Variants in ANKRD45 observed in about 807,000 individuals in gnomAD.
ANKRD45 encodes the protein ankyrin repeat domain-containing protein 45.
In ANKRD45, 21 loss-of-function variants were observed where a neutral mutation model predicts 28.1. That is an observed-to-expected ratio of 0.75 (90% CI 0.53 to 1.08). The LOEUF (loss-of-function observed/expected upper bound fraction) is 1.08, where lower values mean the gene tolerates loss of function less well. Ranked by LOEUF, ANKRD45 falls within the 50% of genes least tolerant of loss-of-function variation. The pLI, the probability that ANKRD45 is intolerant of heterozygous loss-of-function variation, is 0.00. For missense variants in ANKRD45, 261 were observed against 308.7 expected (o/e 0.85, Z 1.16); for synonymous variants, 86 against 103.9 (o/e 0.83, Z 1.05).
the ANKRD45 span, among the ~76,000 whole-genome samples, chr1:173,701,300 C>T: frequency 1.3e-5 from 2 of 152,220 alleles, no homozygotes; most frequent in Non-Finnish European, 2.9e-5. Context: ...ACCATTTGAC[C>T]CAGGGATCCC....
At chr1:173,678,178 T>C in the ANKRD45 span, among the ~76,000 whole-genome samples, 1 of 152,094 alleles carries the variant, frequency 6.6e-6, no homozygotes, top group Non-Finnish European at 1.5e-5. Flanking sequence ...CTGAAACTAT[T>C]CCAAACAATA....
the ANKRD45 span, among the ~76,000 whole-genome samples, chr1:173,704,082 G>A: frequency 6.6e-6 from 1 of 152,226 alleles, no homozygotes; most frequent in Non-Finnish European, 1.5e-5. Flanking sequence ...GGCTGATCTT[G>A]AAAGGGCTCA....
At chr1:173,668,355 G>A (rs552296928) in intron 1 of ANKRD45, among the ~76,000 whole-genome samples, 169 of 152,312 alleles carry the variant, frequency 1.1e-3, no homozygotes, top group Non-Finnish European at 2.1e-3. Flanking sequence ...GGAACTCAGC[G>A]CAATTGAGTG....
At chr1:173,611,578 C>CAT (rs1183889736) in intron 5 of ANKRD45, among the ~76,000 whole-genome samples, 4 of 21,270 alleles carry the variant, frequency 1.9e-4, no homozygotes, top group Admixed American at 8.4e-4. Context: ...TACATACATA[C>CAT]ACACACACAC....
intron 3 of ANKRD45, among the ~76,000 whole-genome samples, chr1:173,630,245 T>C (rs1668129580): frequency 6.6e-6 from 1 of 152,132 alleles, no homozygotes; most frequent in South Asian, 2.1e-4. Context: ...TAATAGTAAG[T>C]ACACAGAAAA....
At chr1:173,636,343 A>G (rs1668441453) in intron 3 of ANKRD45, among the ~76,000 whole-genome samples, 2 of 152,210 alleles carry the variant, frequency 1.3e-5, no homozygotes, top group South Asian at 2.1e-4. Context: ...AAACTATTAC[A>G]TAATTTCCCA....
intron 3 of ANKRD45, chr1:173,637,051 A>G (rs1341013744): frequency 1.4e-6 from 2 of 1,432,844 alleles, no homozygotes; most frequent in Non-Finnish European, 1.9e-6. Context: ...ATGCATATGC[A>G]AATGTAGCTT....
intron 2 of ANKRD45, among the ~76,000 whole-genome samples, chr1:173,653,126 T>C (rs1669319795): frequency 6.6e-6 from 1 of 152,212 alleles, no homozygotes; most frequent in Non-Finnish European, 1.5e-5. Flanking sequence ...TAGTTATTTC[T>C]TGCCTTCTGC....
At chr1:173,687,955 T>C in the ANKRD45 span, among the ~76,000 whole-genome samples, 1 of 152,002 alleles carries the variant, frequency 6.6e-6, no homozygotes, top group African/African-American at 2.4e-5. Flanking sequence ...ACCTGCTGGG[T>C]TAAGGGAATT....
chr1:173,649,945 C>T (rs966527847), intron 2 of ANKRD45, among the ~76,000 whole-genome samples: 14 of 152,114 alleles, frequency 9.2e-5, no homozygotes, highest in African/African-American at 3.4e-4. Flanking sequence ...TAAAAAGATT[C>T]TTCTGAGATA....
intron 3 of ANKRD45, chr1:173,635,337 C>A (rs944496015): frequency 1.8e-6 from 1 of 559,990 alleles, no homozygotes; most frequent in Middle Eastern, 4.7e-4. Flanking sequence ...CTTTGCTGGG[C>A]ATATTTTGCT....
At chr1:173,636,662 A>G (rs1235160040) in intron 3 of ANKRD45, among the ~76,000 whole-genome samples, 1 of 152,206 alleles carries the variant, frequency 6.6e-6, no homozygotes, top group Admixed American at 6.5e-5. Flanking sequence ...CCTTACTTCT[A>G]TAGTAACCTT....
At chr1:173,708,339 G>A in the ANKRD45 span, among the ~76,000 whole-genome samples, 2 of 152,194 alleles carry the variant, frequency 1.3e-5, no homozygotes, top group Non-Finnish European at 2.9e-5. Flanking sequence ...ACTCACGAAT[G>A]GGATTAGCTC....
the ANKRD45 span, among the ~76,000 whole-genome samples, chr1:173,705,501 G>GAAA: frequency 7.9e-6 from 1 of 126,050 alleles, no homozygotes; most frequent in African/African-American, 2.8e-5. Flanking sequence ...TGTCTCTATA[G>GAAA]AAAAAAAAAA....
chr1:173,660,118 G>A (rs192163852), intron 1 of ANKRD45, among the ~76,000 whole-genome samples: 6 of 152,088 alleles, frequency 3.9e-5, no homozygotes, highest in African/African-American at 9.6e-5. Flanking sequence ...AAATGTGCCC[G>A]TGTTGTAACA....
In ANKRD45 at chr1:173,636,982, T is replaced by G. The variant is rs1243201765; in HGVS notation, c.497-9823A>C. 3.3e-6 allele frequency: 5 copies of G among 1,535,482 alleles called. No individual in the cohort carries two copies. The South Asian group carries it at 5.9e-5, about 18-fold the overall frequency. On this transcript the variant is annotated intron_variant, in intron 3 of 5. Transcript: ENST00000333279. ...CTCACCATCCTTCCTCTAAGAAAAT[T>G]AAGCACTGCAAATTAAAGAAGAAGA...
chr1:173,686,374 C>T, the ANKRD45 span, among the ~76,000 whole-genome samples: 5 of 152,092 alleles, frequency 3.3e-5, no homozygotes, highest in South Asian at 2.1e-4. Context: ...CTATGGCCCA[C>T]GACTCTAGAG....
chr1:173,613,280 G>A (rs1210231414), intron 5 of ANKRD45, among the ~76,000 whole-genome samples: 5 of 150,724 alleles, frequency 3.3e-5, no homozygotes, highest in Non-Finnish European at 5.9e-5. Context: ...CTGCCCGGCC[G>A]CCCCGTCTGA....
Position 173,608,438 on chromosome 1 carries a change from C to T in ANKRD45, c.*1707G>A, listed in dbSNP as rs1354387017. Among the ~76,000 whole-genome samples the T allele has an allele frequency of 6.6e-6, 1 of 152,126 alleles. No individual in the cohort carries two copies. Among genetic ancestry groups the T allele is most frequent in the East Asian group, 1.9e-4 (1 of 5,178 alleles). On this transcript the variant is annotated 3_prime_UTR_variant, in exon 6 of 6. Transcript: ENST00000333279. ...GCTCAGGTGATTCTCCTGCCTCAGC[C>T]TCCCAAGTCACTGGGATTACAGGCA...
Sources: gnomAD v4.1 joint callset for allele counts (sites outside exome capture counted in the v4.1 genomes callset) on GRCh38, gnomAD v4.1.1 for gene constraint, MANE v1.5 for transcripts, NCBI Gene and HGNC (gene_info 2026-07-23, HGNC 2026-07-21) for gene names.